Variants in ESRRG observed in about 807,000 individuals in gnomAD.
ESRRG encodes estrogen related receptor gamma.
Under a neutral mutation model 44.0 loss-of-function variants are expected in ESRRG, and 13 were observed. The ratio of observed to expected loss-of-function variants is 0.30; its 90% confidence interval spans 0.19 to 0.47. ESRRG has a LOEUF of 0.47. Ranked by LOEUF, ESRRG falls within the 20% of genes least tolerant of loss-of-function variation. The pLI is 1.00. For missense variants in ESRRG, 395 were observed against 580.6 expected (o/e 0.68, Z 3.29); for synonymous variants, 215 against 214.6 (o/e 1.00, Z -0.02).
chr1:216,747,854 T>C (rs1322456595), intron 2 of ESRRG, among the ~76,000 whole-genome samples: 2 of 152,184 alleles, frequency 1.3e-5, no homozygotes, highest in Non-Finnish European at 2.9e-5. Flanking sequence ...GAGGCTAAGA[T>C]ATAATTAATA....
chr1:216,843,740 A>G (rs770696310), intron 2 of ESRRG, among the ~76,000 whole-genome samples: 1 of 152,296 alleles, frequency 6.6e-6, no homozygotes, highest in African/African-American at 2.4e-5. Context: ...TGAAACACCT[A>G]TTGAGGTACT....
chr1:216,513,233 A>G (rs2043232255), intron 6 of ESRRG, among the ~76,000 whole-genome samples: 1 of 152,118 alleles, frequency 6.6e-6, no homozygotes, highest in Non-Finnish European at 1.5e-5. Flanking sequence ...AGAGAAAGAA[A>G]TTTCTGGTGG....
chr1:216,556,766 A>T (rs1390704523), intron 5 of ESRRG, among the ~76,000 whole-genome samples: 1 of 152,100 alleles, frequency 6.6e-6, no homozygotes, highest in African/African-American at 2.4e-5. Flanking sequence ...TAGTTGTCAA[A>T]TCACCTCCCT....
At chr1:217,005,002 T>A (rs889168074) in intron 1 of ESRRG, among the ~76,000 whole-genome samples, 1 of 152,174 alleles carries the variant, frequency 6.6e-6, no homozygotes, top group Non-Finnish European at 1.5e-5. Flanking sequence ...GGTTCTACTC[T>A]TATTAATAAA....
chr1:216,886,892 T>C (rs984376371), intron 2 of ESRRG, among the ~76,000 whole-genome samples: 1 of 151,626 alleles, frequency 6.6e-6, no homozygotes, highest in African/African-American at 2.4e-5. Context: ...CCTGGCTATT[T>C]TGTTTGTTTG....
chr1:217,042,862 C>T (rs2084132187), intron 1 of ESRRG, among the ~76,000 whole-genome samples: 2 of 152,068 alleles, frequency 1.3e-5, no homozygotes. Context: ...TCAGCATTTC[C>T]ACTGTGCCAT....
chr1:216,950,945 C>T (rs990489964), intron 1 of ESRRG, among the ~76,000 whole-genome samples: 1 of 152,086 alleles, frequency 6.6e-6, no homozygotes, highest in African/African-American at 2.4e-5. Flanking sequence ...ATGTTTAAAA[C>T]CGAGATGTGA....
intron 2 of ESRRG, among the ~76,000 whole-genome samples, chr1:216,772,212 T>C (rs973537455): frequency 1.3e-5 from 2 of 152,110 alleles, no homozygotes; most frequent in East Asian, 1.9e-4. Flanking sequence ...TTCACACCAA[T>C]AGTAAAAGAA....
At chr1:216,933,342 C>T (rs2063642142) in intron 2 of ESRRG, among the ~76,000 whole-genome samples, 1 of 152,056 alleles carries the variant, frequency 6.6e-6, no homozygotes, top group Non-Finnish European at 1.5e-5. Context: ...CCTGCCTTCT[C>T]AAAGTTTTTC....
intron 3 of ESRRG, among the ~76,000 whole-genome samples, chr1:216,622,302 T>G (rs2062378745): frequency 6.6e-6 from 1 of 152,184 alleles, no homozygotes. Flanking sequence ...AAATTTCACT[T>G]CCAAAGGACT....
intron 2 of ESRRG, among the ~76,000 whole-genome samples, chr1:216,670,240 A>G (rs2074896169): frequency 6.6e-6 from 1 of 152,244 alleles, no homozygotes; most frequent in Non-Finnish European, 1.5e-5. Context: ...GGCAAAAGAA[A>G]TGCAACACCA....
At chr1:216,811,146 A>G (rs2094956177) in intron 2 of ESRRG, among the ~76,000 whole-genome samples, 1 of 152,166 alleles carries the variant, frequency 6.6e-6, no homozygotes, top group African/African-American at 2.4e-5. Flanking sequence ...TAAATAAGAG[A>G]TGATGGTTGC....
intron 2 of ESRRG, among the ~76,000 whole-genome samples, chr1:216,851,355 A>G (rs1473712679): frequency 6.6e-6 from 1 of 152,020 alleles, no homozygotes; most frequent in Non-Finnish European, 1.5e-5. Context: ...TGTAGGAGAG[A>G]ACTACTTGTT....
At chr1:216,630,786 C>T (rs2064024769) in intron 3 of ESRRG, among the ~76,000 whole-genome samples, 1 of 152,082 alleles carries the variant, frequency 6.6e-6, no homozygotes, top group Non-Finnish European at 1.5e-5. Flanking sequence ...ATTCAAATAG[C>T]CCTGTGACAG....
At chr1:216,668,705 C>T (rs2074500149) in intron 2 of ESRRG, among the ~76,000 whole-genome samples, 1 of 152,126 alleles carries the variant, frequency 6.6e-6, no homozygotes, top group South Asian at 2.1e-4. Context: ...AATTAGCTAG[C>T]CAACACACAC....
chr1:216,610,334 TC>T (rs1282188746), intron 3 of ESRRG, among the ~76,000 whole-genome samples: 1 of 151,972 alleles, frequency 6.6e-6, no homozygotes, highest in Non-Finnish European at 1.5e-5. Context: ...AATATGCCCA[TC>T]AACCAGCTTA....
intron 1 of ESRRG, among the ~76,000 whole-genome samples, chr1:217,051,728 T>G (rs1276634461): frequency 6.6e-6 from 1 of 152,154 alleles, no homozygotes; most frequent in Non-Finnish European, 1.5e-5. Context: ...GCAAAACAAC[T>G]TATCCCATCT....
At chr1:216,803,038 T>C (rs2094673705) in intron 2 of ESRRG, among the ~76,000 whole-genome samples, 1 of 152,110 alleles carries the variant, frequency 6.6e-6, no homozygotes. Flanking sequence ...TTCTGTGACA[T>C]CAGCCAGGGA....
At chr1:216,596,111 T>C (rs2058393015) in intron 3 of ESRRG, among the ~76,000 whole-genome samples, 1 of 152,120 alleles carries the variant, frequency 6.6e-6, no homozygotes, top group Non-Finnish European at 1.5e-5. Flanking sequence ...GAAAGTCGAA[T>C]GAGGAACAAC....
Sources: gnomAD v4.1 joint callset for allele counts (sites outside exome capture counted in the v4.1 genomes callset) on GRCh38, gnomAD v4.1.1 for gene constraint, MANE v1.5 for transcripts, NCBI Gene and HGNC (gene_info 2026-07-23, HGNC 2026-07-21) for gene names.